Variants in APPL2 observed in about 807,000 individuals in gnomAD.
APPL2 encodes adaptor protein, phosphotyrosine interacting with PH domain and leucine zipper 2, also known as DCC-interacting protein 13-beta.
APPL2 carries 84 observed loss-of-function variants against 92.7 expected under a neutral mutation model. That is an observed-to-expected ratio of 0.91 (90% confidence interval 0.76 to 1.09). APPL2 has a LOEUF of 1.09. Ranked by LOEUF, APPL2 falls within the 50% of genes least tolerant of loss-of-function variation. APPL2 has a pLI of 0.00. For synonymous variants in APPL2, 291 were observed against 291.0 expected (o/e 1.00, Z 0.00); for missense variants, 736 against 824.5 (o/e 0.89, Z 1.31).
intron 17 of APPL2, 91 bp from the exon 18 acceptor site, chr12:105,177,353 T>C: frequency 7.4e-7 from 1 of 1,355,130 alleles, no homozygotes; most frequent in Non-Finnish European, 1.1e-6. Context: ...AAATACAAAT[T>C]CCCCGAAATA....
intron 3 of APPL2, 105 bp from the exon 4 acceptor site, chr12:105,217,245 T>C (rs1188971362): frequency 1.4e-6 from 1 of 694,880 alleles, no homozygotes; most frequent in African/African-American, 1.8e-5. Context: ...TCCTTTCTTC[T>C]CCAAGAGCAC....
At position 105,176,074 on chromosome 12, in the gene APPL2, A is replaced by G. The variant is rs761210979; in HGVS notation, c.1821T>C (p.Tyr607=). The G allele has an allele frequency of 1.3e-6, 2 of 1,593,332 alleles. No individual in the cohort carries two copies. Among genetic ancestry groups the G allele is most frequent in the Non-Finnish European group, 1.7e-6 (2 of 1,173,174 alleles). ...ESNSEGEKIC[Y]AINLGKEIIE... ...TAATTTCTTTTCCCAAATTAATAGC[A>G]TAACATATCTGCAAAAGACAAGAAA... The change falls in exon 20 of 21, where the codon TAT becomes TAC. Residue 607 remains tyrosine (Y), a synonymous_variant. Coordinates refer to ENST00000258530, the MANE Select transcript of APPL2 (RefSeq NM_018171.5).
rs1196470796 is a variant in APPL2, at chr12:105,177,306, T to C, written c.1635-44A>G. 14 of 1,571,478 alleles carry C rather than the reference T, an allele frequency of 8.9e-6. No individual in the cohort carries two copies. The Admixed American group carries it at 1.2e-4, about 13-fold the overall frequency. ...CATTATGTCACAAATGTTGGATAAA[T>C]TTAATATTCCTAGAAGAGTTTGTAG... On this transcript the variant is annotated intron_variant, in intron 17 of 20. Transcript: ENST00000258530.
chr12:105,182,756 T>C (rs1886232976), intron 17 of APPL2, among the ~76,000 whole-genome samples: 2 of 152,218 alleles, frequency 1.3e-5, no homozygotes, highest in Non-Finnish European at 2.9e-5. Context: ...GAGCATTCTG[T>C]AGATGTGTGT....
At chr12:105,217,773 T>A (rs117675758) in intron 2 of APPL2, 48 bp from the exon 3 acceptor site, 2 of 1,554,936 alleles carry the variant, frequency 1.3e-6, no homozygotes, top group East Asian at 2.2e-5. Context: ...AATGTATACA[T>A]AGTCACTGAA....
chr12:105,184,548 C>T (rs1432515423), intron 17 of APPL2, among the ~76,000 whole-genome samples: 2 of 152,212 alleles, frequency 1.3e-5, no homozygotes, highest in Non-Finnish European at 2.9e-5. Context: ...TGAAGGTACA[C>T]TCCGGACTCT....
intron 9 of APPL2, among the ~76,000 whole-genome samples, chr12:105,200,236 G>A (rs11112407): frequency 0.025 from 3,752 of 152,300 alleles, 61 homozygotes; most frequent in Non-Finnish European, 0.034. Context: ...CTCCAGGGCT[G>A]CTCACACAGG....
At position 105,181,387 on chromosome 12, in the gene APPL2, T is replaced by C. The variant is rs970061334; in HGVS notation, c.1635-4125A>G. Among the ~76,000 whole-genome samples, 5 of 152,232 alleles carry C rather than the reference T, an allele frequency of 3.3e-5. No individual in the cohort carries two copies. In the South Asian group the frequency reaches 6.2e-4, roughly 19 times the overall value. ...TGGTATTTTATTGAGGATTTTTGCA[T>C]TGATGTTCATCAGGGGTATTGCCCT... On this transcript the variant is annotated intron_variant, in intron 17 of 20. Transcript: ENST00000258530.
chr12:105,176,067 T>A lies in APPL2; in HGVS notation c.1828A>T (p.Asn610Tyr), dbSNP rs1279552646. Residue 610 changes from asparagine (N) to tyrosine (Y), a missense_variant, in exon 20 of 21, where the codon AAT becomes TAT. Physicochemically the swap from Asn to Tyr is moderately radical, Grantham distance 143 (BLOSUM62 -2). Coordinates refer to ENST00000258530, the MANE Select transcript of APPL2 (RefSeq NM_018171.5). ...SEGEKICYAI[N>Y]LGKEIIEVQK... Reference sequence around the variant, plus strand: ...ACCTCAATAATTTCTTTTCCCAAATTAATAGCATAACATATCTGCAAAAGA... The same window carrying A: ...ACCTCAATAATTTCTTTTCCCAAATAAATAGCATAACATATCTGCAAAAGA... 17 of 1,591,720 alleles carry A rather than the reference T, an allele frequency of 1.1e-5. No homozygotes were observed. Among genetic ancestry groups the A allele is most frequent in the Non-Finnish European group, 1.4e-5 (16 of 1,172,644 alleles).
At chr12:105,197,735 C>G in intron 11 of APPL2, 30 bp downstream of exon 11, 1 of 1,613,460 alleles carries the variant, frequency 6.2e-7, no homozygotes, top group Non-Finnish European at 8.5e-7. Flanking sequence ...TATACTCATT[C>G]TCCTCCCAAA....
chr12:105,186,797 G>A (rs948749136), intron 17 of APPL2, among the ~76,000 whole-genome samples: 2 of 150,790 alleles, frequency 1.3e-5, no homozygotes, highest in African/African-American at 4.9e-5. Flanking sequence ...TTAATATGGA[G>A]TGACATATCT....
intron 2 of APPL2, among the ~76,000 whole-genome samples, chr12:105,222,133 G>A (rs185978638): frequency 6.6e-6 from 1 of 152,356 alleles, no homozygotes; most frequent in African/African-American, 2.4e-5. Context: ...GGAGTAGTGA[G>A]GGGTGTGGCA....
intron 2 of APPL2, among the ~76,000 whole-genome samples, chr12:105,223,124 G>A (rs935314971): frequency 2.0e-5 from 3 of 152,220 alleles, no homozygotes; most frequent in East Asian, 1.9e-4. Flanking sequence ...CCACGGAGGC[G>A]TCTGAAGATG....
chr12:105,188,954 C>G (rs1886961634), intron 16 of APPL2, among the ~76,000 whole-genome samples: 1 of 152,206 alleles, frequency 6.6e-6, no homozygotes, highest in African/African-American at 2.4e-5. Flanking sequence ...TGGCTGCTGA[C>G]AGTGGCGCAT....
Position 105,233,131 on chromosome 12 carries a change from G to A in APPL2, c.54+2828C>T, listed in dbSNP as rs527468807. On this transcript the variant is annotated intron_variant, in intron 1 of 20. Coordinates refer to ENST00000258530, the MANE Select transcript of APPL2 (RefSeq NM_018171.5). Reference sequence around the variant, plus strand: ...GCCCCTGAAGAAGTACAAGCTGCAGGAGCTCAAAGCTGCATTTGTGTTCCT... The same window carrying A: ...GCCCCTGAAGAAGTACAAGCTGCAGAAGCTCAAAGCTGCATTTGTGTTCCT... 82 of 985,468 alleles carry A rather than the reference G, an allele frequency of 8.3e-5. No homozygotes were observed. The South Asian group carries it at 1.3e-3, about 15-fold the overall frequency. The allele number at this position is 985,468 out of a possible 1,614,324, so 61.0% of individuals were successfully genotyped here.
chr12:105,176,201 G>C, intron 19 of APPL2, 119 bp from the exon 20 acceptor site: 2 of 865,016 alleles, frequency 2.3e-6, no homozygotes, highest in Non-Finnish European at 3.6e-6. Flanking sequence ...TGGGAACACA[G>C]GACCTGGCTG....
chr12:105,189,878 T>G, intron 15 of APPL2, 54 bp from the exon 16 acceptor site: 1 of 1,612,242 alleles, frequency 6.2e-7, no homozygotes, highest in Non-Finnish European at 8.5e-7. Context: ...AGAAGGGCAC[T>G]TAACACTTGA....
intron 11 of APPL2, among the ~76,000 whole-genome samples, chr12:105,197,004 C>G (rs1409914433): frequency 6.6e-6 from 1 of 152,174 alleles, no homozygotes; most frequent in Non-Finnish European, 1.5e-5. Context: ...GTCCCCACCC[C>G]TACCCCTGCT....
intron 1 of APPL2, chr12:105,233,151 G>A (rs1357836483): frequency 1.0e-6 from 1 of 985,346 alleles, no homozygotes; most frequent in African/African-American, 1.7e-5. Flanking sequence ...CTGCATTTGT[G>A]TTCCTATCGC....
Sources: allele counts gnomAD v4.1 joint callset (sites outside exome capture counted in the v4.1 genomes callset), GRCh38; gene constraint gnomAD v4.1.1; transcripts MANE v1.5; gene names NCBI Gene and HGNC (gene_info 2026-07-23, HGNC 2026-07-21).